Variants in PCDH15 observed in about 807,000 individuals in gnomAD.
PCDH15 encodes the protein protocadherin-15.
In PCDH15, 129 loss-of-function variants were observed where a neutral mutation model predicts 178.5. The observed-to-expected ratio is 0.72, with a 90% CI of 0.63 to 0.84. The LOEUF is 0.84. Among genes scored for constraint, PCDH15 ranks in the 40% least tolerant of loss-of-function variants. PCDH15 has a pLI of 0.00. For missense variants in PCDH15, 2,230 were observed against 2,099.9 expected, an observed-to-expected ratio of 1.06 and a Z score of -1.21; for synonymous variants, 800 against 732.0, an observed-to-expected ratio of 1.09 and a Z score of -1.50.
At chr10:53,958,775 C>T (rs575390710) in intron 23 of PCDH15, among the ~76,000 whole-genome samples, 141 of 151,852 alleles carry the variant, frequency 9.3e-4, no homozygotes, top group African/African-American at 3.2e-3. Context: ...GGTCAGAGAT[C>T]GAGACCATCC....
upstream of PCDH15, among the ~76,000 whole-genome samples, chr10:54,804,948 T>TATATATATATATATATATATAC (rs905516559): frequency 4.1e-3 from 519 of 127,118 alleles, 21 homozygotes; most frequent in Middle Eastern, 7.8e-3. Flanking sequence ...TATATATATA[T>TATATATATATATATATATATAC]ACAGAGTTTG....
chr10:55,573,362 T>C (rs1299352022), intron 2 of PCDH15, among the ~76,000 whole-genome samples: 4 of 151,994 alleles, frequency 2.6e-5, no homozygotes, highest in Non-Finnish European at 4.4e-5. Flanking sequence ...CCTGAAAAAA[T>C]ATTCAGTTGG....
intron 2 of PCDH15, among the ~76,000 whole-genome samples, chr10:55,012,548 T>C (rs914363105): frequency 6.6e-6 from 1 of 152,110 alleles, no homozygotes; most frequent in Non-Finnish European, 1.5e-5. Context: ...AGTGAAAACA[T>C]TCCACATCAA....
chr10:54,148,011 G>T (rs1039009020), intron 14 of PCDH15, among the ~76,000 whole-genome samples: 1 of 152,002 alleles, frequency 6.6e-6, no homozygotes, highest in African/African-American at 2.4e-5. Context: ...CAAAAGTCAT[G>T]ATGCTATTGT....
At chr10:54,526,217 G>A (rs929243541) in intron 3 of PCDH15, among the ~76,000 whole-genome samples, 1 of 152,138 alleles carries the variant, frequency 6.6e-6, no homozygotes, top group African/African-American at 2.4e-5. Context: ...CATTGCTGTT[G>A]CTATAATTAC....
intron 2 of PCDH15, among the ~76,000 whole-genome samples, chr10:55,338,418 T>A (rs2131950248): frequency 6.6e-6 from 1 of 152,228 alleles, no homozygotes; most frequent in Middle Eastern, 3.4e-3. Context: ...AACAGATAAA[T>A]CAATAAATAG....
At chr10:54,841,501 A>G (rs958265929) in intron 3 of PCDH15, among the ~76,000 whole-genome samples, 2 of 151,586 alleles carry the variant, frequency 1.3e-5, no homozygotes, top group Admixed American at 6.6e-5. Context: ...AGAACTAGGG[A>G]AAAAAAATCT....
chr10:54,158,253 TA>T (rs755335131), intron 13 of PCDH15, among the ~76,000 whole-genome samples: 1 of 152,170 alleles, frequency 6.6e-6, no homozygotes, highest in Non-Finnish European at 1.5e-5. Context: ...AGAAAACAGG[TA>T]TTGAAATTAC....
At chr10:55,555,228 T>G (rs2132092146) in intron 2 of PCDH15, among the ~76,000 whole-genome samples, 1 of 152,138 alleles carries the variant, frequency 6.6e-6, no homozygotes, top group South Asian at 2.1e-4. Context: ...TCACAATGAT[T>G]AAAAAAGATA....
intron 1 of PCDH15, among the ~76,000 whole-genome samples, chr10:55,228,232 A>C (rs1841109697): frequency 1.3e-5 from 2 of 152,074 alleles, no homozygotes; most frequent in Admixed American, 1.3e-4. Flanking sequence ...TCAATAAATC[A>C]CTTATTATGT....
At chr10:55,413,438 A>C (rs1213229790) in intron 2 of PCDH15, among the ~76,000 whole-genome samples, 7 of 151,782 alleles carry the variant, frequency 4.6e-5, no homozygotes, top group Admixed American at 2.0e-4. Context: ...CTATGTTCCA[A>C]GTGTAGACTT....
chr10:54,292,959 A>T (rs1457852824), intron 8 of PCDH15, among the ~76,000 whole-genome samples: 1 of 152,226 alleles, frequency 6.6e-6, no homozygotes, highest in Admixed American at 6.5e-5. Context: ...AATTGGAAAA[A>T]AACTACTTTA....
intron 20 of PCDH15, among the ~76,000 whole-genome samples, chr10:53,997,690 T>A (rs2134942988): frequency 6.6e-6 from 1 of 152,294 alleles, no homozygotes; most frequent in South Asian, 2.1e-4. Flanking sequence ...TTTATTTGCT[T>A]GGGAAGTATT....
intron 2 of PCDH15, among the ~76,000 whole-genome samples, chr10:54,572,784 A>C (rs2089998909): frequency 6.6e-6 from 1 of 152,144 alleles, no homozygotes; most frequent in South Asian, 2.1e-4. Flanking sequence ...ATTCCCAAGG[A>C]AGAAAAAATA....
At chr10:54,919,170 A>C (rs1437815977) in intron 2 of PCDH15, among the ~76,000 whole-genome samples, 1 of 152,142 alleles carries the variant, frequency 6.6e-6, no homozygotes, top group Non-Finnish European at 1.5e-5. Flanking sequence ...ATGTTCCTTG[A>C]ATACTCTTTT....
chr10:53,982,334 A>G lies in PCDH15; in HGVS notation c.2868+13315T>C, dbSNP rs575939531. ...CTCATTACTGGGTATATACCCAAAG[A>G]ATTATAAATCATTCTGCTATAAAGA... On this transcript the variant is annotated intron_variant, in intron 21 of 37. Coordinates refer to ENST00000644397, the MANE Select transcript of PCDH15 (RefSeq NM_001384140.1). Among the ~76,000 whole-genome samples the G allele has an allele frequency of 3.9e-5, 6 of 152,158 alleles. No homozygotes were observed. The South Asian group carries it at 1.2e-3, about 32-fold the overall frequency.
At chr10:55,090,635 T>C (rs1225614449) in intron 2 of PCDH15, among the ~76,000 whole-genome samples, 1 of 152,052 alleles carries the variant, frequency 6.6e-6, no homozygotes, top group Non-Finnish European at 1.5e-5. Flanking sequence ...TCTACCTTAT[T>C]CTATCACCAC....
Position 54,574,863 on chromosome 10 carries a change from C to A in PCDH15, c.92-46986G>T, listed in dbSNP as rs376212789. 4.1e-3 allele frequency among the ~76,000 whole-genome samples: 580 copies of A among 141,848 alleles called. 14 individuals are homozygous for A. The East Asian group carries it at 0.073, about 18-fold the overall frequency. 93.1% of individuals were successfully genotyped at this position (141,848 alleles called of 152,430 possible). A position where few individuals can be genotyped will look rare whatever the true frequency, so the allele number is the denominator to read the frequency against. ...GACACATGCACACGTATGTTTATTG[C>A]GGCATTATTCACAATAGCAAAGACT... On this transcript the variant is annotated intron_variant, in intron 2 of 37. Transcript: ENST00000644397.
At chr10:54,622,716 T>G (rs1188733924) in intron 2 of PCDH15, among the ~76,000 whole-genome samples, 1 of 32,466 alleles carries the variant, frequency 3.1e-5, no homozygotes, top group African/African-American at 1.1e-4. Context: ...ATATTATATA[T>G]AATATATATT....
Sources: gnomAD v4.1 joint callset for allele counts (sites outside exome capture counted in the v4.1 genomes callset) on GRCh38, gnomAD v4.1.1 for gene constraint, MANE v1.5 for transcripts, NCBI Gene and HGNC (gene_info 2026-07-23, HGNC 2026-07-21) for gene names.